QKI: variants seen among roughly 807,000 people sequenced by gnomAD.
The protein encoded by QKI is QKI, KH domain containing RNA binding.
QKI carries 10 observed loss-of-function variants against 39.0 expected under a neutral mutation model. That is an observed-to-expected ratio of 0.26 (90% confidence interval 0.16 to 0.43). The LOEUF is 0.43. Among genes scored for constraint, QKI ranks in the 20% least tolerant of loss-of-function variants. The pLI, the probability that QKI is intolerant of heterozygous loss-of-function variation, is 1.00. For missense variants in QKI, 218 were observed against 428.0 expected (o/e 0.51, Z 4.33); for synonymous variants, 204 against 155.4 (o/e 1.31, Z -2.33).
At chr6:163,436,256 T>G (rs1030840802) in intron 1 of QKI, among the ~76,000 whole-genome samples, 7 of 152,180 alleles carry the variant, frequency 4.6e-5, no homozygotes, top group Non-Finnish European at 1.0e-4. Context: ...GGTAAAGAAG[T>G]GTTAACTTCT....
At chr6:163,493,956 T>C (rs1276644838) in intron 3 of QKI, among the ~76,000 whole-genome samples, 1 of 151,844 alleles carries the variant, frequency 6.6e-6, no homozygotes, top group African/African-American at 2.4e-5. Context: ...ACCCCCACTT[T>C]GTATTTTCTT....
intron 4 of QKI, among the ~76,000 whole-genome samples, chr6:163,554,874 C>T (rs1312016397): frequency 3.9e-5 from 6 of 152,204 alleles, no homozygotes; most frequent in African/African-American, 9.7e-5. Context: ...ATCACGCTGG[C>T]GCCCCCAGCA....
chr6:163,483,902 C>T (rs1793269169), intron 3 of QKI, among the ~76,000 whole-genome samples: 1 of 152,156 alleles, frequency 6.6e-6, no homozygotes, highest in Admixed American at 6.5e-5. Context: ...AGCTATAGGC[C>T]TATGAAAGAC....
At chr6:163,443,507 C>T (rs1207881871) in intron 1 of QKI, among the ~76,000 whole-genome samples, 4 of 152,202 alleles carry the variant, frequency 2.6e-5, no homozygotes, top group African/African-American at 9.6e-5. Context: ...GCAGAGGTTG[C>T]AGTGAGCCAA....
At chr6:163,508,091 G>C (rs1779208851) in intron 3 of QKI, among the ~76,000 whole-genome samples, 1 of 152,012 alleles carries the variant, frequency 6.6e-6, no homozygotes, top group Non-Finnish European at 1.5e-5. Flanking sequence ...AAGAGCAATA[G>C]AAATGTTCCA....
intron 3 of QKI, among the ~76,000 whole-genome samples, 181 bp downstream of exon 3, chr6:163,479,077 G>A (rs575618803): frequency 6.6e-6 from 1 of 152,192 alleles, no homozygotes; most frequent in South Asian, 2.1e-4. Flanking sequence ...TCTGAGGTCA[G>A]GAGTTTGAGA....
intron 7 of QKI, chr6:163,567,619 T>C (rs1175871652): frequency 2.0e-6 from 2 of 984,438 alleles, no homozygotes; most frequent in African/African-American, 3.5e-5. Context: ...CTTGGACCCT[T>C]TTATAAATTA....
intron 2 of QKI, among the ~76,000 whole-genome samples, chr6:163,463,090 C>T (rs1221353805): frequency 1.3e-5 from 2 of 152,086 alleles, no homozygotes; most frequent in Admixed American, 1.3e-4. Context: ...AAAAACACAA[C>T]TGGACTAATT....
intron 3 of QKI, among the ~76,000 whole-genome samples, chr6:163,520,013 A>G (rs1780052690): frequency 6.6e-6 from 1 of 152,172 alleles, no homozygotes; most frequent in Admixed American, 6.5e-5. Context: ...CTTTGAAAAT[A>G]CTTTCTTGTC....
chr6:163,473,184 T>TG (rs932222842), intron 2 of QKI, among the ~76,000 whole-genome samples: 37 of 152,264 alleles, frequency 2.4e-4, no homozygotes, highest in African/African-American at 8.7e-4. Context: ...TTCTGGGAGT[T>TG]GCGTGGTTGC....
At chr6:163,565,285 C>T (rs1355918727) in intron 6 of QKI, 4 of 986,480 alleles carry the variant, frequency 4.1e-6, no homozygotes, top group South Asian at 4.7e-5. Flanking sequence ...CAGAACTCCT[C>T]TCTGCTGCAC....
chr6:163,566,672 C>G (rs761546365), intron 6 of QKI, 49 bp from the exon 7 acceptor site: 4 of 1,602,034 alleles, frequency 2.5e-6, no homozygotes, highest in Non-Finnish European at 3.4e-6. Context: ...GTTTTTTCCC[C>G]CCTTGTGAAT....
At chr6:163,479,634 G>T (rs186671506) in intron 3 of QKI, among the ~76,000 whole-genome samples, 24 of 152,152 alleles carry the variant, frequency 1.6e-4, no homozygotes, top group African/African-American at 5.8e-4. Context: ...CCTCCCAAAG[G>T]TCTGGGATTA....
intron 2 of QKI, among the ~76,000 whole-genome samples, chr6:163,470,180 A>G (rs564364528): frequency 4.1e-4 from 63 of 152,200 alleles, no homozygotes; most frequent in Admixed American, 8.5e-4. Flanking sequence ...CAGAATCTGG[A>G]GAGGACAGAC....
At chr6:163,418,833 C>G (rs1407183424) in intron 1 of QKI, among the ~76,000 whole-genome samples, 1 of 152,050 alleles carries the variant, frequency 6.6e-6, no homozygotes, top group East Asian at 1.9e-4. Context: ...AATTTAGAAT[C>G]GAGAAGGTGA....
intron 1 of QKI, among the ~76,000 whole-genome samples, chr6:163,418,180 G>A (rs1787693990): frequency 6.6e-6 from 1 of 151,720 alleles, no homozygotes; most frequent in South Asian, 2.1e-4. Context: ...TTAGTGATTG[G>A]TTTGATGAAG....
intron 1 of QKI, among the ~76,000 whole-genome samples, chr6:163,452,489 A>C (rs970749088): frequency 3.9e-5 from 6 of 152,192 alleles, no homozygotes; most frequent in Non-Finnish European, 7.3e-5. Context: ...AATGCTCCAG[A>C]AACCTAGCTC....
rs1791687673 is a variant in QKI, at chr6:163,465,661, TCA to T, written c.285+10241_285+10242del. Among the ~76,000 whole-genome samples, 4 of 145,134 alleles carry T rather than the reference TCA, an allele frequency of 2.8e-5. No homozygotes were observed. In the South Asian group the frequency reaches 8.6e-4, roughly 31 times the overall value. ...AAAAAAAAAGTAAAAGACACCTAAA[TCA>T]TAAAGGAAGAAATAAAATTATCTTT... is the stretch of plus-strand genomic sequence containing the variant. On this transcript the variant is annotated intron_variant, in intron 2 of 7. Transcript: ENST00000361752.
intron 3 of QKI, among the ~76,000 whole-genome samples, chr6:163,511,204 A>G (rs1779451348): frequency 6.6e-6 from 1 of 152,156 alleles, no homozygotes; most frequent in Admixed American, 6.6e-5. Flanking sequence ...TGGAAATGCA[A>G]GATAACAATT....
Sources: allele counts gnomAD v4.1 joint callset (sites outside exome capture counted in the v4.1 genomes callset), GRCh38; gene constraint gnomAD v4.1.1; transcripts MANE v1.5; gene names NCBI Gene and HGNC (gene_info 2026-07-23, HGNC 2026-07-21).